The following LRMDA variants were observed in gnomAD, a reference collection of about 807,000 sequenced individuals.
LRMDA encodes the protein leucine rich melanocyte differentiation associated, also known as leucine-rich melanocyte differentiation-associated protein.
A neutral mutation model predicts 29.8 loss-of-function variants in LRMDA; 18 were observed. The ratio of observed to expected loss-of-function variants is 0.60; its 90% CI spans 0.42 to 0.90. The LOEUF is 0.90. LRMDA is among the 40% of genes least tolerant of loss of function. LRMDA has a pLI of 0.00. For synonymous variants in LRMDA, 125 were observed against 109.4 expected (o/e 1.14, Z -0.89); for missense variants, 273 against 273.9 (o/e 1.00, Z 0.02).
intron 2 of LRMDA, among the ~76,000 whole-genome samples, chr10:75,903,150 T>C (rs998878807): frequency 3.3e-5 from 5 of 152,210 alleles, no homozygotes; most frequent in Non-Finnish European, 5.9e-5. Flanking sequence ...AAAATCCCTC[T>C]CTCTATTTAA....
At chr10:75,992,558 T>C (rs1242069984) in intron 2 of LRMDA, among the ~76,000 whole-genome samples, 1 of 152,214 alleles carries the variant, frequency 6.6e-6, no homozygotes, top group Non-Finnish European at 1.5e-5. Flanking sequence ...TGAGCATGTC[T>C]GCCATGCTGT....
intron 5 of LRMDA, among the ~76,000 whole-genome samples, chr10:76,147,218 C>G (rs1850342150): frequency 6.6e-6 from 1 of 151,718 alleles, no homozygotes; most frequent in East Asian, 1.9e-4. Flanking sequence ...TTTCCTGAAT[C>G]TGAATGTTGG....
chr10:76,557,147 C>T, intron 6 of LRMDA, 62 bp from the exon 7 acceptor site: 1 of 1,328,566 alleles, frequency 7.5e-7, no homozygotes, highest in Non-Finnish European at 1.1e-6. Context: ...CTTTTCAGCA[C>T]CTGTGTTTCC....
At chr10:76,089,639 C>T (rs1157374796) in intron 5 of LRMDA, among the ~76,000 whole-genome samples, 3 of 152,106 alleles carry the variant, frequency 2.0e-5, no homozygotes, top group East Asian at 1.9e-4. Flanking sequence ...AGAGAGATTT[C>T]GGCAGAGCCT....
intron 2 of LRMDA, among the ~76,000 whole-genome samples, chr10:75,552,011 C>T (rs538648573): frequency 3.1e-4 from 47 of 152,226 alleles, no homozygotes; most frequent in Admixed American, 5.2e-4. Flanking sequence ...CCACTGCACT[C>T]CAGCCTGGGC....
chr10:76,014,223 A>G (rs1167214512), intron 2 of LRMDA, among the ~76,000 whole-genome samples: 1 of 147,542 alleles, frequency 6.8e-6, no homozygotes, highest in East Asian at 2.0e-4. Flanking sequence ...GACTGCTTCT[A>G]CATGGAGCTG....
At chr10:75,896,079 T>C (rs1845576001) in intron 2 of LRMDA, among the ~76,000 whole-genome samples, 2 of 152,228 alleles carry the variant, frequency 1.3e-5, no homozygotes, top group Non-Finnish European at 2.9e-5. Context: ...GGAAAGGAGA[T>C]GAAAAATATG....
chr10:75,765,294 T>C (rs1190461431), intron 2 of LRMDA, among the ~76,000 whole-genome samples: 5 of 152,124 alleles, frequency 3.3e-5, no homozygotes, highest in African/African-American at 1.2e-4. Flanking sequence ...CCAGGTTAAT[T>C]TGAATGGGCT....
At chr10:76,376,057 G>A (rs567207281) in intron 6 of LRMDA, among the ~76,000 whole-genome samples, 55 of 151,934 alleles carry the variant, frequency 3.6e-4, no homozygotes, top group African/African-American at 1.1e-3. Flanking sequence ...TGGTTTTATT[G>A]AATAGTGATG....
chr10:76,081,013 C>T (rs1212062977), intron 5 of LRMDA, among the ~76,000 whole-genome samples: 1 of 152,156 alleles, frequency 6.6e-6, no homozygotes, highest in Non-Finnish European at 1.5e-5. Context: ...GTGTTCAGCG[C>T]TTTCACTAAA....
intron 2 of LRMDA, among the ~76,000 whole-genome samples, chr10:75,930,336 G>A (rs1846186506): frequency 6.6e-6 from 1 of 152,098 alleles, no homozygotes; most frequent in African/African-American, 2.4e-5. Flanking sequence ...ACACTTTGGG[G>A]AATTTCTCGG....
intron 2 of LRMDA, among the ~76,000 whole-genome samples, chr10:75,984,546 T>A (rs796082695): frequency 2.6e-5 from 4 of 152,356 alleles, no homozygotes; most frequent in African/African-American, 9.6e-5. Context: ...ACCTCCTTCA[T>A]GCTGCATGAG....
At chr10:75,502,865 G>C (rs1269187855) in intron 2 of LRMDA, among the ~76,000 whole-genome samples, 1 of 152,136 alleles carries the variant, frequency 6.6e-6, no homozygotes, top group Non-Finnish European at 1.5e-5. Flanking sequence ...CCTGACTGGT[G>C]CTGTTCTTCC....
intron 5 of LRMDA, among the ~76,000 whole-genome samples, chr10:76,247,328 C>T (rs1463594238): frequency 1.3e-5 from 2 of 152,108 alleles, no homozygotes; most frequent in African/African-American, 2.4e-5. Flanking sequence ...TGGGGTTTCT[C>T]AGAATTTGAG....
At chr10:76,314,920 G>A (rs1318441315) in intron 5 of LRMDA, among the ~76,000 whole-genome samples, 1 of 152,138 alleles carries the variant, frequency 6.6e-6, no homozygotes. Context: ...GCCACAAAAC[G>A]TGTTGCATAT....
At chr10:75,861,709 G>T (rs1844933318) in intron 2 of LRMDA, among the ~76,000 whole-genome samples, 3 of 152,200 alleles carry the variant, frequency 2.0e-5, no homozygotes, top group African/African-American at 7.2e-5. Context: ...GAGGGAAGGT[G>T]CTAGTTATGG....
At chr10:75,508,138 G>A (rs1215577552) in intron 2 of LRMDA, among the ~76,000 whole-genome samples, 1 of 152,302 alleles carries the variant, frequency 6.6e-6, no homozygotes, top group South Asian at 2.1e-4. Context: ...CTGTGTGGGG[G>A]TAATGTTAAT....
chr10:76,057,678 A>G (rs1465307098), intron 4 of LRMDA, among the ~76,000 whole-genome samples: 3 of 152,188 alleles, frequency 2.0e-5, no homozygotes, highest in Non-Finnish European at 4.4e-5. Flanking sequence ...TGGGTATAGG[A>G]AGGAAATGAC....
chr10:76,295,927 G>A (rs1840406577), intron 5 of LRMDA, among the ~76,000 whole-genome samples: 1 of 152,026 alleles, frequency 6.6e-6, no homozygotes, highest in Non-Finnish European at 1.5e-5. Context: ...TACATCTTTG[G>A]AATTATCTAG....
Sources: gnomAD v4.1 joint callset for allele counts (sites outside exome capture counted in the v4.1 genomes callset) on GRCh38, gnomAD v4.1.1 for gene constraint, MANE v1.5 for transcripts, NCBI Gene and HGNC (gene_info 2026-07-23, HGNC 2026-07-21) for gene names.